Variants in ACAD10 observed in about 807,000 individuals in gnomAD.
ACAD10 encodes the protein acyl-CoA dehydrogenase family member 10.
ACAD10 carries 112 observed loss-of-function variants against 116.8 expected under a neutral mutation model. The ratio of observed to expected loss-of-function variants is 0.96; its 90% CI spans 0.82 to 1.12. The LOEUF (loss-of-function observed/expected upper bound fraction) is 1.12, where lower values mean the gene tolerates loss of function less well. Among genes scored for constraint, ACAD10 ranks in the 50% most tolerant of loss-of-function variants. ACAD10 has a pLI of 0.00. For synonymous variants in ACAD10, 486 were observed against 510.6 expected, an observed-to-expected ratio of 0.95 and a Z score of 0.65; for missense variants, 1,259 against 1,350.2, an observed-to-expected ratio of 0.93 and a Z score of 1.06.
intron 13 of ACAD10, chr12:111,745,257 G>T: frequency 5.0e-6 from 3 of 598,900 alleles, no homozygotes; most frequent in Non-Finnish European, 8.6e-6. Context: ...GATGGCTCAG[G>T]TGTGACTGCA....
intron 16 of ACAD10, 182 bp downstream of exon 16, chr12:111,747,567 C>G: frequency 7.0e-7 from 1 of 1,428,184 alleles, no homozygotes; most frequent in East Asian, 2.6e-5. Context: ...GCACACTGTT[C>G]TCAGAGGTGG....
chr12:111,714,568 G>A (rs1294920668), intron 6 of ACAD10, among the ~76,000 whole-genome samples: 1 of 150,618 alleles, frequency 6.6e-6, no homozygotes, highest in Non-Finnish European at 1.5e-5. Context: ...GGGAGGCTAA[G>A]GCAGAATCGC....
At chr12:111,723,762 C>G (rs926602924) in intron 8 of ACAD10, among the ~76,000 whole-genome samples, 8 of 150,872 alleles carry the variant, frequency 5.3e-5, no homozygotes, top group African/African-American at 1.9e-4. Flanking sequence ...GGGTGGCTGC[C>G]GGGCAGAGAG....
At chr12:111,736,748 G>A in intron 11 of ACAD10, 83 bp from the exon 12 acceptor site, 5 of 1,443,450 alleles carry the variant, frequency 3.5e-6, no homozygotes, top group South Asian at 2.7e-5. Context: ...GGGACATGGC[G>A]ATTTTCAGAA....
At chr12:111,712,350 C>T (rs1888709991) in intron 5 of ACAD10, 148 bp from the exon 6 acceptor site, 3 of 671,908 alleles carry the variant, frequency 4.5e-6, no homozygotes, top group Non-Finnish European at 6.9e-6. Context: ...ACTGCTGGCA[C>T]CTGTTCAATA....
chr12:111,694,045 C>T (rs1033504330), intron 2 of ACAD10, among the ~76,000 whole-genome samples: 4 of 152,314 alleles, frequency 2.6e-5, no homozygotes, highest in Middle Eastern at 3.4e-3. Context: ...GACAAAGGGC[C>T]AGGCAGCCAT....
intron 7 of ACAD10, among the ~76,000 whole-genome samples, chr12:111,717,797 C>T (rs1385588757): frequency 1.3e-5 from 2 of 152,080 alleles, no homozygotes; most frequent in African/African-American, 4.8e-5. Context: ...AATCCTCCCA[C>T]CTTGGCCTCC....
At chr12:111,719,855 G>A (rs1258639492) in intron 7 of ACAD10, among the ~76,000 whole-genome samples, 1 of 152,080 alleles carries the variant, frequency 6.6e-6, no homozygotes, top group Non-Finnish European at 1.5e-5. Flanking sequence ...AGCCTCCCGA[G>A]TAGATGGGAC....
chr12:111,751,885 C>A (rs1478059097), intron 18 of ACAD10, among the ~76,000 whole-genome samples: 1 of 150,764 alleles, frequency 6.6e-6, no homozygotes, highest in African/African-American at 2.4e-5. Flanking sequence ...ATAGAGAAAC[C>A]CTGTCTCTAC....
chr12:111,723,626 G>A (rs1395025092), intron 8 of ACAD10, among the ~76,000 whole-genome samples: 4 of 144,762 alleles, frequency 2.8e-5, no homozygotes, highest in African/African-American at 5.1e-5. Context: ...CGGACGGGGC[G>A]GCTGGCCGGG....
chr12:111,699,672 C>A (rs1215974092), intron 2 of ACAD10, among the ~76,000 whole-genome samples: 1 of 152,072 alleles, frequency 6.6e-6, no homozygotes, highest in Non-Finnish European at 1.5e-5. Context: ...ACGATCCCAG[C>A]ACTTTGGGAG....
At chr12:111,698,813 T>C (rs901846570) in intron 2 of ACAD10, among the ~76,000 whole-genome samples, 17 of 152,134 alleles carry the variant, frequency 1.1e-4, no homozygotes, top group African/African-American at 4.1e-4. Context: ...TTTGCAAATA[T>C]TTTCTCCCTT....
Position 111,746,128 on chromosome 12 carries a change from A to AT in ACAD10, c.2116-12dup. The AT allele has an allele frequency of 6.2e-7, 1 of 1,602,234 alleles. No homozygotes were observed. The highest frequency in any genetic ancestry group is 8.5e-7 in the Non-Finnish European group (1 of 1,177,252). On this transcript the variant is annotated splice_polypyrimidine_tract_variant and intron_variant, in intron 13 of 20. Transcript: ENST00000313698. ...ATCTTCCACTGTGGTTTCCTGACTTATTTTCCCCATGATAGGAGAAAGCCA... is the reference window on the plus strand; with the variant it reads ...ATCTTCCACTGTGGTTTCCTGACTTATTTTTCCCCATGATAGGAGAAAGCCA...
chr12:111,692,554 A>C, intron 1 of ACAD10, 143 bp from the exon 2 acceptor site: 2 of 771,808 alleles, frequency 2.6e-6, no homozygotes. Flanking sequence ...GGGAGGAGAC[A>C]CTGAGGTCAG....
At chr12:111,749,432 A>G in intron 18 of ACAD10, 87 bp downstream of exon 18, 1 of 1,505,846 alleles carries the variant, frequency 6.6e-7, no homozygotes, top group South Asian at 1.2e-5. Flanking sequence ...CTGTTTTCTG[A>G]GTGCAGTCCT....
At chr12:111,711,664 A>G (rs1351191682) in intron 5 of ACAD10, among the ~76,000 whole-genome samples, 1 of 150,858 alleles carries the variant, frequency 6.6e-6, no homozygotes, top group Non-Finnish European at 1.5e-5. Context: ...AGCTGGGACT[A>G]CAGGCGCCTG....
intron 18 of ACAD10, chr12:111,753,216 T>G (rs984575681): frequency 3.7e-6 from 1 of 267,838 alleles, no homozygotes; most frequent in Non-Finnish European, 7.5e-6. Context: ...TTAGAACCTT[T>G]TCTGATGCCT....
chr12:111,738,629 G>T (rs943625437), intron 12 of ACAD10, among the ~76,000 whole-genome samples: 2 of 152,038 alleles, frequency 1.3e-5, no homozygotes, highest in Admixed American at 6.5e-5. Context: ...CACTTTGGGA[G>T]GCCAAGGTGA....
chr12:111,704,573 C>T (rs542126403), intron 3 of ACAD10, among the ~76,000 whole-genome samples: 17 of 152,040 alleles, frequency 1.1e-4, no homozygotes, highest in African/African-American at 3.6e-4. Flanking sequence ...AATTAGAGTT[C>T]AGTAAAGCTG....
Sources: allele counts gnomAD v4.1 joint callset (sites outside exome capture counted in the v4.1 genomes callset), GRCh38; gene constraint gnomAD v4.1.1; transcripts MANE v1.5; gene names NCBI Gene and HGNC (gene_info 2026-07-23, HGNC 2026-07-21).